STK24: variants seen among roughly 807,000 people sequenced by gnomAD.
The protein encoded by STK24 is serine/threonine-protein kinase 24.
STK24 carries 21 observed loss-of-function variants against 55.6 expected under a neutral mutation model. The ratio of observed to expected loss-of-function variants is 0.38; its 90% CI spans 0.27 to 0.54. The LOEUF (loss-of-function observed/expected upper bound fraction) is 0.54. Ranked by LOEUF, STK24 falls within the 20% of genes least tolerant of loss-of-function variation. STK24 has a pLI of 0.79. For missense variants in STK24, 383 were observed against 538.4 expected, an observed-to-expected ratio of 0.71 and a Z score of 2.86; for synonymous variants, 200 against 215.2, an observed-to-expected ratio of 0.93 and a Z score of 0.62.
intron 1 of STK24, among the ~76,000 whole-genome samples, chr13:98,538,018 G>T (rs1263966071): frequency 1.3e-5 from 2 of 152,048 alleles, no homozygotes. Flanking sequence ...CTACCTTGTA[G>T]ATGTCACTTG....
intron 7 of STK24, among the ~76,000 whole-genome samples, chr13:98,463,068 G>A (rs1262716467): frequency 6.6e-6 from 1 of 152,116 alleles, no homozygotes; most frequent in African/African-American, 2.4e-5. Flanking sequence ...CATTCAACTG[G>A]CCTGGCACAT....
intron 10 of STK24, 101 bp downstream of exon 10, chr13:98,457,067 G>A: frequency 7.1e-7 from 1 of 1,418,030 alleles, no homozygotes; most frequent in Non-Finnish European, 9.5e-7. Flanking sequence ...CAAGATAACA[G>A]GAACAGACAG....
At position 98,576,141 on chromosome 13, in the gene STK24, TC is replaced by T. The variant is rs1290548863; in HGVS notation, c.42+603del. 8.1e-6 allele frequency: 8 copies of T among 984,958 alleles called. No individual in the cohort carries two copies. The East Asian group carries it at 4.6e-4, about 56-fold the overall frequency. The allele number at this position is 984,958 out of a possible 1,614,324, so 61.0% of individuals were successfully genotyped here. The stretch of plus-strand genomic sequence containing the variant: ...TCCAGAAGGTTTGCAACTCGCACTT[TC>T]CCCCGGTCCGCAGGTGCACGGGGGC... On this transcript the variant is annotated intron_variant, in intron 1 of 10. Transcript: ENST00000539966.
chr13:98,457,779 T>C (rs1196495897), intron 9 of STK24, among the ~76,000 whole-genome samples: 1 of 152,176 alleles, frequency 6.6e-6, no homozygotes, highest in Non-Finnish European at 1.5e-5. Flanking sequence ...CCGGGTTCCT[T>C]TTGAAGAAAG....
At chr13:98,499,445 C>A (rs553194091) in intron 2 of STK24, among the ~76,000 whole-genome samples, 9 of 152,298 alleles carry the variant, frequency 5.9e-5, no homozygotes, top group Admixed American at 4.6e-4. Flanking sequence ...GAAAGAAGCA[C>A]CCTCTCATCA....
At chr13:98,475,011 T>C (rs372198486) in intron 4 of STK24, 33 bp from the exon 5 acceptor site, 4 of 1,580,636 alleles carry the variant, frequency 2.5e-6, no homozygotes, top group African/African-American at 2.7e-5. Context: ...CCCTGGGCGG[T>C]GCGGACTTAC....
intron 1 of STK24, among the ~76,000 whole-genome samples, chr13:98,547,936 T>C (rs1897067462): frequency 6.6e-6 from 1 of 152,174 alleles, no homozygotes; most frequent in African/African-American, 2.4e-5. Context: ...TAAACCCTCA[T>C]GGTAGATGAG....
At chr13:98,509,666 G>A (rs1459000599) in intron 2 of STK24, among the ~76,000 whole-genome samples, 3 of 152,256 alleles carry the variant, frequency 2.0e-5, no homozygotes, top group Non-Finnish European at 4.4e-5. Context: ...ACACCCAAAA[G>A]GCCCAGCTCG....
At chr13:98,492,292 G>A (rs1458753498) in intron 2 of STK24, among the ~76,000 whole-genome samples, 1 of 152,144 alleles carries the variant, frequency 6.6e-6, no homozygotes, top group Non-Finnish European at 1.5e-5. Flanking sequence ...GGAAGGATGA[G>A]AACTCCTAGA....
chr13:98,473,196 G>C (rs181628786), intron 5 of STK24, among the ~76,000 whole-genome samples: 9 of 146,076 alleles, frequency 6.2e-5, no homozygotes, highest in South Asian at 2.3e-4. Context: ...CACAGAATGG[G>C]TTAAATGAAA....
Position 98,461,982 on chromosome 13 carries a change from G to A in STK24, c.930-85C>T, listed in dbSNP as rs570338244. 7.7e-6 allele frequency: 12 copies of A among 1,553,650 alleles called. No individual in the cohort carries two copies. The South Asian group carries it at 1.0e-4, about 14-fold the overall frequency. On this transcript the variant is annotated intron_variant, in intron 7 of 10. Transcript: ENST00000539966. Reference sequence around the variant, plus strand: ...GGACGTTCAGGGGGAGGCCGCCTGGGGACCTCTAAACCCACACCCACCAGC... The same window carrying A: ...GGACGTTCAGGGGGAGGCCGCCTGGAGACCTCTAAACCCACACCCACCAGC...
At chr13:98,538,120 T>C (rs1325724538) in intron 1 of STK24, among the ~76,000 whole-genome samples, 1 of 151,706 alleles carries the variant, frequency 6.6e-6, no homozygotes, top group Non-Finnish European at 1.5e-5. Context: ...CAAATCCTCA[T>C]CACTTCCAGA....
At chr13:98,483,404 AAAG>A (rs770352154) in intron 2 of STK24, among the ~76,000 whole-genome samples, 1 of 152,168 alleles carries the variant, frequency 6.6e-6, no homozygotes, top group African/African-American at 2.4e-5. Flanking sequence ...GAGGAAAAAA[AAAG>A]AAGAAACCTT....
chr13:98,448,728 G>A lies in STK24; in HGVS notation c.*4445C>T, dbSNP rs1162626162. 1 of 128,528 alleles carries A rather than the reference G, an allele frequency of 7.8e-6. No individual in the cohort carries two copies. Among genetic ancestry groups the A allele is most frequent in the Non-Finnish European group, 1.7e-5 (1 of 59,612 alleles). The allele number at this position is 128,528 out of a possible 1,614,324, so 8.0% of individuals were successfully genotyped here. ...ATTGGCTGCTGCATTTTACGAAGTGGACTTCCCGGTGTTTGTTTGTTTGTT... is the reference window on the plus strand; with the variant it reads ...ATTGGCTGCTGCATTTTACGAAGTGAACTTCCCGGTGTTTGTTTGTTTGTT... On this transcript the variant is annotated 3_prime_UTR_variant, in exon 11 of 11. Coordinates refer to ENST00000539966, the MANE Select transcript of STK24 (RefSeq NM_001032296.4).
At chr13:98,556,497 T>G (rs1489592947) in intron 1 of STK24, among the ~76,000 whole-genome samples, 1 of 151,822 alleles carries the variant, frequency 6.6e-6, no homozygotes, top group Non-Finnish European at 1.5e-5. Flanking sequence ...TAGTTGAGGT[T>G]GTTGTTCTTT....
Position 98,536,373 on chromosome 13 carries a change from T to C in STK24, c.43-16900A>G, listed in dbSNP as rs147976833. ...TTCTTCTTCTATCTTTTTTTTTTTT[T>C]CTCTTCCAAGAGAAGGGATCTCTCC... On this transcript the variant is annotated intron_variant, in intron 1 of 10. Coordinates refer to ENST00000539966, the MANE Select transcript of STK24 (RefSeq NM_001032296.4). Among the ~76,000 whole-genome samples the C allele has an allele frequency of 9.2e-3, 1,378 of 150,132 alleles. 35 individuals carry two copies. Among genetic ancestry groups the C allele is most frequent in the Admixed American group, 0.032 (482 of 15,130 alleles).
At chr13:98,562,018 G>GTT (rs1230245783) in intron 1 of STK24, among the ~76,000 whole-genome samples, 4 of 148,482 alleles carry the variant, frequency 2.7e-5, no homozygotes, top group African/African-American at 9.9e-5. Flanking sequence ...GACACGCCTT[G>GTT]TATTAAAGGA....
rs573974226 is a variant in STK24 at position 98,451,103 on chromosome 13, C to T, written c.*2070G>A. 6.6e-6 allele frequency: 1 copy of T among 152,322 alleles called. No homozygotes were observed. Among genetic ancestry groups the T allele is most frequent in the Non-Finnish European group, 1.5e-5 (1 of 68,042 alleles). The allele number at this position is 152,322 out of a possible 1,614,324, so 9.4% of individuals were successfully genotyped here. ...CGAGCGGCTCACCCACTGTTACTAG[C>T]ATGAGACTGGCTTCAGTGCTAAAAA... On this transcript the variant is annotated 3_prime_UTR_variant, in exon 11 of 11. Coordinates refer to ENST00000539966, the MANE Select transcript of STK24 (RefSeq NM_001032296.4).
Position 98,492,247 on chromosome 13 carries a change from AAGGAGGAAGAGG to A in STK24, c.274-9938_274-9927del, listed in dbSNP as rs1368384879. On this transcript the variant is annotated intron_variant, in intron 2 of 10. Transcript: ENST00000539966. ...GGCATCACAACATAATGCCAAAATC[AAGGAGGAAGAGG>A]AGGAGGAAGAGGTTCCTATTAAGGA... Among the ~76,000 whole-genome samples, 9 of 152,210 alleles carry A rather than the reference AAGGAGGAAGAGG, an allele frequency of 5.9e-5. No individual in the cohort carries two copies. The East Asian group carries it at 9.7e-4, about 16-fold the overall frequency.
Sources: allele counts gnomAD v4.1 joint callset (sites outside exome capture counted in the v4.1 genomes callset), GRCh38; gene constraint gnomAD v4.1.1; transcripts MANE v1.5; gene names NCBI Gene and HGNC (gene_info 2026-07-23, HGNC 2026-07-21).